ENOX1: variants seen among roughly 807,000 people sequenced by gnomAD.
ENOX1 encodes ecto-NOX disulfide-thiol exchanger 1.
In ENOX1, 42 loss-of-function variants were observed where a neutral mutation model predicts 82.5. That is an observed-to-expected ratio of 0.51 (90% CI 0.40 to 0.66). ENOX1 has a LOEUF of 0.66. Ranked by LOEUF, ENOX1 falls within the 30% of genes least tolerant of loss-of-function variation. The pLI, the probability that ENOX1 is intolerant of heterozygous loss-of-function variation, is 0.00. For synonymous variants in ENOX1, 271 were observed against 282.2 expected, an observed-to-expected ratio of 0.96 and a Z score of 0.40; for missense variants, 608 against 811.6, an observed-to-expected ratio of 0.75 and a Z score of 3.05.
intron 1 of ENOX1, among the ~76,000 whole-genome samples, chr13:43,774,385 G>A (rs770335174): frequency 1.3e-5 from 2 of 152,134 alleles, no homozygotes; most frequent in East Asian, 1.9e-4. Flanking sequence ...TAAAGAAAAC[G>A]GAAAATGGAG....
intron 2 of ENOX1, among the ~76,000 whole-genome samples, chr13:43,640,888 ACACACACGTACACACACACGCACG>A: frequency 9.0e-6 from 1 of 111,730 alleles, no homozygotes; most frequent in Non-Finnish European, 1.8e-5. Flanking sequence ...ACACGCGCAC[ACACACACGTACACACACACGCACG>A]CACACATACA....
intron 2 of ENOX1, among the ~76,000 whole-genome samples, chr13:43,512,247 T>C (rs368037426): frequency 1.3e-5 from 2 of 152,142 alleles, no homozygotes; most frequent in East Asian, 3.9e-4. Context: ...TTCCTTCTTA[T>C]GTACTATATA....
intron 2 of ENOX1, among the ~76,000 whole-genome samples, chr13:43,591,770 C>G (rs570806106): frequency 3.3e-5 from 5 of 152,168 alleles, no homozygotes; most frequent in African/African-American, 1.2e-4. Context: ...CCCCTCCCAC[C>G]TGCATTTTGT....
chr13:43,228,473 T>C (rs763670369), intron 15 of ENOX1, among the ~76,000 whole-genome samples: 1 of 152,214 alleles, frequency 6.6e-6, no homozygotes, highest in Non-Finnish European at 1.5e-5. Flanking sequence ...TTTTTGCACA[T>C]CTCAGAATCT....
chr13:43,561,311 C>A (rs187172749), intron 2 of ENOX1, among the ~76,000 whole-genome samples: 1 of 152,104 alleles, frequency 6.6e-6, no homozygotes, highest in African/African-American at 2.4e-5. Context: ...TGTACTTGTG[C>A]AGATAGAGAG....
intron 2 of ENOX1, among the ~76,000 whole-genome samples, chr13:43,659,774 C>T (rs998693515): frequency 6.6e-6 from 1 of 151,980 alleles, no homozygotes. Context: ...GGTTAGAGTC[C>T]CAGGGATGTT....
intron 3 of ENOX1, among the ~76,000 whole-genome samples, chr13:43,458,108 A>G (rs1020302483): frequency 6.6e-6 from 1 of 152,214 alleles, no homozygotes; most frequent in Admixed American, 6.5e-5. Flanking sequence ...ATGGACCAAT[A>G]ACTTTTTTAA....
At chr13:43,386,579 A>G (rs548480113) in intron 5 of ENOX1, among the ~76,000 whole-genome samples, 66 of 152,354 alleles carry the variant, frequency 4.3e-4, no homozygotes, top group African/African-American at 1.5e-3. Flanking sequence ...ATTGAAACTA[A>G]TGTTCACCAA....
At chr13:43,397,256 G>A (rs1173549976) in intron 5 of ENOX1, among the ~76,000 whole-genome samples, 1 of 152,186 alleles carries the variant, frequency 6.6e-6, no homozygotes, top group Non-Finnish European at 1.5e-5. Context: ...AGCTGGGGAT[G>A]AACAAATTCA....
chr13:43,427,575 G>A (rs1048911533), intron 3 of ENOX1, among the ~76,000 whole-genome samples: 7 of 152,188 alleles, frequency 4.6e-5, no homozygotes, highest in Admixed American at 2.0e-4. Flanking sequence ...GTAAAGGTTA[G>A]TTCCATCCCT....
intron 2 of ENOX1, among the ~76,000 whole-genome samples, chr13:43,621,302 G>A (rs1030367642): frequency 5.9e-5 from 9 of 151,918 alleles, no homozygotes; most frequent in African/African-American, 1.2e-4. Context: ...ACTTTGTTTC[G>A]TTTTGTTTTT....
At chr13:43,550,566 G>T (rs1452427701) in intron 2 of ENOX1, among the ~76,000 whole-genome samples, 1 of 152,082 alleles carries the variant, frequency 6.6e-6, no homozygotes, top group African/African-American at 2.4e-5. Flanking sequence ...TGCAGATAAG[G>T]TATATCCAAT....
rs538625607 is a variant in ENOX1, at chr13:43,448,901, A to G, written c.-75+35108T>C. 5.9e-5 allele frequency among the ~76,000 whole-genome samples: 9 copies of G among 152,362 alleles called. No individual in the cohort carries two copies. The South Asian group carries it at 1.7e-3, about 28-fold the overall frequency. On this transcript the variant is annotated intron_variant, in intron 3 of 16. Transcript: ENST00000690772. Reference sequence around the variant, plus strand: ...ACATACCTTGGAGAGCAATTTCTACACTGGGGTCTGCAGGGCTGAATCGAG... The same window carrying G: ...ACATACCTTGGAGAGCAATTTCTACGCTGGGGTCTGCAGGGCTGAATCGAG...
intron 9 of ENOX1, among the ~76,000 whole-genome samples, chr13:43,332,454 C>T (rs2048460211): frequency 6.6e-6 from 1 of 152,128 alleles, no homozygotes; most frequent in Non-Finnish European, 1.5e-5. Context: ...TCCTAACAGG[C>T]CATGGACAGT....
intron 9 of ENOX1, among the ~76,000 whole-genome samples, chr13:43,341,651 C>T (rs1401048717): frequency 1.3e-5 from 2 of 152,078 alleles, no homozygotes; most frequent in African/African-American, 4.8e-5. Context: ...GAAGACATGA[C>T]CTGATTTGTA....
intron 3 of ENOX1, among the ~76,000 whole-genome samples, chr13:43,462,085 G>A (rs1173097667): frequency 6.6e-6 from 1 of 152,148 alleles, no homozygotes; most frequent in Admixed American, 6.5e-5. Flanking sequence ...GTGCTGCATA[G>A]ATCACTGCAA....
intron 1 of ENOX1, among the ~76,000 whole-genome samples, chr13:43,770,004 C>T (rs1402886836): frequency 1.3e-5 from 2 of 152,274 alleles, no homozygotes; most frequent in South Asian, 4.1e-4. Context: ...TAAGAATTTA[C>T]CCAAATGAGA....
chr13:43,476,838 T>C (rs2058304246), intron 3 of ENOX1, among the ~76,000 whole-genome samples: 1 of 152,120 alleles, frequency 6.6e-6, no homozygotes, highest in Non-Finnish European at 1.5e-5. Context: ...GCCTCTTCTA[T>C]GGTAGGTGGG....
At chr13:43,631,035 A>G (rs1471219600) in intron 2 of ENOX1, among the ~76,000 whole-genome samples, 1 of 152,086 alleles carries the variant, frequency 6.6e-6, no homozygotes, top group African/African-American at 2.4e-5. Flanking sequence ...GTATTTTCCC[A>G]TTTGGTTAAG....
Sources: gnomAD v4.1 joint callset for allele counts (sites outside exome capture counted in the v4.1 genomes callset) on GRCh38, gnomAD v4.1.1 for gene constraint, MANE v1.5 for transcripts, NCBI Gene and HGNC (gene_info 2026-07-23, HGNC 2026-07-21) for gene names.